GRIN2A: variants seen among roughly 807,000 people sequenced by gnomAD.
The protein encoded by GRIN2A is glutamate receptor ionotropic, NMDA 2A.
In GRIN2A, 22 loss-of-function variants were observed where a neutral mutation model predicts 113.4. The ratio of observed to expected loss-of-function variants is 0.19; its 90% CI spans 0.14 to 0.28. GRIN2A has a LOEUF of 0.28. GRIN2A is among the 10% of genes least tolerant of loss of function. The probability of loss-of-function intolerance (pLI) is 1.00; values close to 1 mark genes in which losing one functional copy is unlikely to be tolerated. For missense variants in GRIN2A, 1,502 were observed against 1,887.0 expected (o/e 0.80, Z 3.78); for synonymous variants, 827 against 738.4 (o/e 1.12, Z -1.94).
intron 2 of GRIN2A, among the ~76,000 whole-genome samples, chr16:9,960,990 G>C (rs912775297): frequency 2.0e-5 from 3 of 152,136 alleles, no homozygotes; most frequent in Admixed American, 2.0e-4. Flanking sequence ...CCATTCAAGC[G>C]AGTTTGTTAT....
At chr16:10,136,528 A>T (rs941799707) in intron 2 of GRIN2A, among the ~76,000 whole-genome samples, 1 of 152,178 alleles carries the variant, frequency 6.6e-6, no homozygotes, top group Non-Finnish European at 1.5e-5. Context: ...AACAAGGACT[A>T]AAGGTTAAAG....
chr16:9,914,450 G>A (rs879373016), intron 3 of GRIN2A, among the ~76,000 whole-genome samples: 4 of 152,298 alleles, frequency 2.6e-5, no homozygotes, highest in Non-Finnish European at 5.9e-5. Flanking sequence ...CCAGCTGTGT[G>A]GCTGACAGGC....
chr16:10,155,204 C>T (rs551709889), intron 2 of GRIN2A, among the ~76,000 whole-genome samples: 1 of 152,308 alleles, frequency 6.6e-6, no homozygotes, highest in African/African-American at 2.4e-5. Context: ...CTCAAAAGGT[C>T]AGCAGGGGTC....
intron 2 of GRIN2A, among the ~76,000 whole-genome samples, chr16:10,082,076 T>C (rs2142058694): frequency 6.6e-6 from 1 of 152,318 alleles, no homozygotes; most frequent in East Asian, 1.9e-4. Flanking sequence ...CTGGACACAG[T>C]GTCTTTGCCT....
At chr16:10,114,015 TAA>T (rs367811898) in intron 2 of GRIN2A, among the ~76,000 whole-genome samples, 1 of 145,530 alleles carries the variant, frequency 6.9e-6, no homozygotes, top group African/African-American at 2.5e-5. Context: ...CCCTCGTTCT[TAA>T]AAAAAAAAGA....
chr16:10,064,206 T>C (rs1292515409), intron 2 of GRIN2A, among the ~76,000 whole-genome samples: 1 of 152,210 alleles, frequency 6.6e-6, no homozygotes. Context: ...AATCAGGGGC[T>C]GACTCTTCTA....
intron 7 of GRIN2A, among the ~76,000 whole-genome samples, chr16:9,840,274 C>T (rs926086193): frequency 2.0e-4 from 30 of 151,830 alleles, no homozygotes; most frequent in African/African-American, 6.8e-4. Context: ...AGAAGTGAAG[C>T]GAAGGGGGAA....
intron 10 of GRIN2A, among the ~76,000 whole-genome samples, chr16:9,804,055 T>C (rs1399336688): frequency 1.3e-5 from 2 of 152,104 alleles, no homozygotes; most frequent in East Asian, 1.9e-4. Context: ...GTTACCTCCA[T>C]AGAAAACTCT....
At chr16:9,904,169 A>T (rs1031948631) in intron 3 of GRIN2A, among the ~76,000 whole-genome samples, 8 of 152,220 alleles carry the variant, frequency 5.3e-5, no homozygotes, top group African/African-American at 1.9e-4. Flanking sequence ...CTGCTATACC[A>T]AACTATCACA....
chr16:9,778,718 A>C (rs1596394693), intron 11 of GRIN2A, among the ~76,000 whole-genome samples: 1 of 152,132 alleles, frequency 6.6e-6, no homozygotes, highest in Admixed American at 6.5e-5. Flanking sequence ...CCTCATGCCT[A>C]GTTTTCCTAT....
At chr16:9,904,314 T>G (rs2043988269) in intron 3 of GRIN2A, among the ~76,000 whole-genome samples, 1 of 152,170 alleles carries the variant, frequency 6.6e-6, no homozygotes, top group East Asian at 1.9e-4. Context: ...CTTCCTAAAG[T>G]GTACTCACAT....
chr16:9,797,028 A>C (rs535475614), intron 11 of GRIN2A, among the ~76,000 whole-genome samples: 7 of 152,228 alleles, frequency 4.6e-5, no homozygotes, highest in Non-Finnish European at 1.0e-4. Flanking sequence ...CTAGGATTTA[A>C]CTCTGTGAAT....
At chr16:10,123,204 C>T (rs1304191997) in intron 2 of GRIN2A, among the ~76,000 whole-genome samples, 1 of 152,108 alleles carries the variant, frequency 6.6e-6, no homozygotes, top group African/African-American at 2.4e-5. Flanking sequence ...AAGGAGTTAC[C>T]TTTTCAATCC....
At chr16:9,917,830 G>C (rs977381536) in intron 3 of GRIN2A, among the ~76,000 whole-genome samples, 1 of 152,132 alleles carries the variant, frequency 6.6e-6, no homozygotes, top group African/African-American at 2.4e-5. Context: ...TCCCCGCCTA[G>C]AGATTGCTCC....
intron 3 of GRIN2A, among the ~76,000 whole-genome samples, chr16:9,909,454 C>A (rs149138918): frequency 8.3e-4 from 127 of 152,348 alleles, no homozygotes; most frequent in African/African-American, 2.9e-3. Context: ...AGTATGGCAG[C>A]CACTAGTCAC....
chr16:9,762,090 C>T lies in GRIN2A; in HGVS notation c.*1059G>A, dbSNP rs1900609125. 9.7e-6 allele frequency: 2 copies of T among 206,700 alleles called. No homozygotes were observed. The highest frequency in any genetic ancestry group is 4.6e-5 in the African/African-American group (2 of 43,844). 12.8% of individuals were successfully genotyped at this position (206,700 alleles called of 1,614,324 possible). A position where few individuals can be genotyped will look rare whatever the true frequency, so the allele number is the denominator to read the frequency against. On this transcript the variant is annotated 3_prime_UTR_variant, in exon 13 of 13. Transcript: ENST00000330684. ...AGATGGCATTGTACTTCTTACAGAT[C>T]ACAGTACACATACGGCTGTTGGTGC... is the stretch of plus-strand genomic sequence containing the variant.
chr16:9,861,631 G>C (rs907531587), intron 4 of GRIN2A, among the ~76,000 whole-genome samples: 1 of 152,218 alleles, frequency 6.6e-6, no homozygotes, highest in Non-Finnish European at 1.5e-5. Flanking sequence ...GGACTTTGCA[G>C]TTGAGTTCAG....
intron 2 of GRIN2A, among the ~76,000 whole-genome samples, chr16:10,021,007 G>A (rs1016653138): frequency 2.6e-5 from 4 of 152,074 alleles, no homozygotes; most frequent in African/African-American, 4.8e-5. Flanking sequence ...GTGCTAAACC[G>A]CTTACCAAGC....
chr16:9,976,464 C>T (rs981920441), intron 2 of GRIN2A, among the ~76,000 whole-genome samples: 1 of 152,176 alleles, frequency 6.6e-6, no homozygotes, highest in African/African-American at 2.4e-5. Context: ...AACGTTCCTT[C>T]CTCTGTTCTG....
Sources: gnomAD v4.1 joint callset for allele counts (sites outside exome capture counted in the v4.1 genomes callset) on GRCh38, gnomAD v4.1.1 for gene constraint, MANE v1.5 for transcripts, NCBI Gene and HGNC (gene_info 2026-07-23, HGNC 2026-07-21) for gene names.